Variants in WDPCP observed in about 807,000 individuals in gnomAD.
WDPCP encodes WD repeat-containing and planar cell polarity effector protein fritz homolog.
In WDPCP, 71 loss-of-function variants were observed where a neutral mutation model predicts 93.1. The ratio of observed to expected loss-of-function variants is 0.76; its 90% CI spans 0.63 to 0.93. WDPCP has a LOEUF of 0.93. Among genes scored for constraint, WDPCP ranks in the 40% least tolerant of loss-of-function variants. The pLI is 0.00. For missense variants in WDPCP, 844 were observed against 887.4 expected, an observed-to-expected ratio of 0.95 and a Z score of 0.62; for synonymous variants, 315 against 315.0, an observed-to-expected ratio of 1.00 and a Z score of 0.00.
chr2:63,777,026 A>G (rs1670314536), intron 2 of WDPCP, among the ~76,000 whole-genome samples: 2 of 152,196 alleles, frequency 1.3e-5, no homozygotes, highest in South Asian at 2.1e-4. Flanking sequence ...ACAGTTAACA[A>G]TATGGTATTG....
At chr2:63,419,570 TG>T (rs1418920928) in intron 9 of WDPCP, among the ~76,000 whole-genome samples, 1 of 152,150 alleles carries the variant, frequency 6.6e-6, no homozygotes, top group Non-Finnish European at 1.5e-5. Context: ...AAGCTACATT[TG>T]AAAAATGTAG....
intron 1 of WDPCP, chr2:63,827,504 ATAAT>A (rs1466199102): frequency 6.6e-6 from 1 of 152,190 alleles, no homozygotes; most frequent in East Asian, 1.9e-4. Flanking sequence ...GGATTCTATA[ATAAT>A]TTATTTAAGA....
chr2:63,825,917 A>G (rs1671106358), intron 1 of WDPCP, among the ~76,000 whole-genome samples: 1 of 152,134 alleles, frequency 6.6e-6, no homozygotes, highest in African/African-American at 2.4e-5. Context: ...TGATTTCCTT[A>G]TCTACATCTT....
At chr2:63,448,767 G>A (rs1171062727) in intron 6 of WDPCP, among the ~76,000 whole-genome samples, 1 of 152,124 alleles carries the variant, frequency 6.6e-6, no homozygotes. Flanking sequence ...GGCACAGAAA[G>A]ACAAATACTG....
intron 9 of WDPCP, among the ~76,000 whole-genome samples, chr2:63,411,750 C>A (rs773307542): frequency 2.6e-5 from 4 of 152,096 alleles, no homozygotes; most frequent in African/African-American, 4.8e-5. Context: ...ACTGTGAACA[C>A]CTTTACACAC....
intron 12 of WDPCP, among the ~76,000 whole-genome samples, chr2:63,318,910 T>G (rs1575130549): frequency 6.6e-6 from 1 of 152,040 alleles, no homozygotes; most frequent in Admixed American, 6.6e-5. Flanking sequence ...CCGGCTGATG[T>G]ACCCTTGACC....
chr2:63,805,030 AAAAAGAAAAG>A (rs1014255157), intron 2 of WDPCP, among the ~76,000 whole-genome samples: 1 of 152,118 alleles, frequency 6.6e-6, no homozygotes, highest in Non-Finnish European at 1.5e-5. Flanking sequence ...TCCATTTCAA[AAAAAGAAAAG>A]AAAAGAAAAG....
Position 63,152,899 on chromosome 2 carries a change from G to A in WDPCP, c.2190+15C>T. 3 of 1,609,152 alleles carry A rather than the reference G, an allele frequency of 1.9e-6. No individual in the cohort carries two copies. Among genetic ancestry groups the A allele is most frequent in the Non-Finnish European group, 2.6e-6 (3 of 1,175,896 alleles). On this transcript the variant is annotated intron_variant, in intron 17 of 17. Coordinates refer to ENST00000272321, the MANE Select transcript of WDPCP (RefSeq NM_015910.7). ...GAATTTAAATGTCTAGTAATAAACA[G>A]AGAAAGTGTTTTACCTGTTCTCTGC...
At chr2:63,360,753 A>G (rs891152699) in intron 12 of WDPCP, among the ~76,000 whole-genome samples, 1 of 152,206 alleles carries the variant, frequency 6.6e-6, no homozygotes, top group Admixed American at 6.5e-5. Flanking sequence ...CTCAAGCCCC[A>G]GTGGTCCAAA....
chr2:63,770,407 C>T (rs368039354), intron 2 of WDPCP, among the ~76,000 whole-genome samples: 2 of 151,558 alleles, frequency 1.3e-5, no homozygotes, highest in Non-Finnish European at 3.0e-5. Context: ...CCAAATTAAA[C>T]CTAAAGGAAG....
intron 17 of WDPCP, among the ~76,000 whole-genome samples, chr2:63,145,618 C>A (rs1671440460): frequency 6.6e-6 from 1 of 152,198 alleles, no homozygotes; most frequent in African/African-American, 2.4e-5. Flanking sequence ...CCCCCAACAA[C>A]AGTCCTGAGT....
chr2:63,741,906 C>A (rs1286367893), intron 2 of WDPCP, among the ~76,000 whole-genome samples: 1 of 152,046 alleles, frequency 6.6e-6, no homozygotes, highest in Non-Finnish European at 1.5e-5. Flanking sequence ...AAAATTGGAT[C>A]ATACAACAGC....
In WDPCP at chr2:63,534,920, T is replaced by C. The variant is rs368284821; in HGVS notation, c.76-41980A>G. Among the ~76,000 whole-genome samples, 151 of 152,218 alleles carry C rather than the reference T, an allele frequency of 9.9e-4. 1 individual carries two copies. The highest frequency in any genetic ancestry group is 2.7e-3 in the Admixed American group (41 of 15,296). ...CAATTAGGAAAAGAGGAAGTCAAATTGTTCCTGTTTGCAGATGACACGATT... is the reference window on the plus strand; with the variant it reads ...CAATTAGGAAAAGAGGAAGTCAAATCGTTCCTGTTTGCAGATGACACGATT... On this transcript the variant is annotated intron_variant, in intron 1 of 17. Coordinates refer to ENST00000272321, the MANE Select transcript of WDPCP (RefSeq NM_015910.7).
chr2:63,566,079 G>C (rs115361296), intron 1 of WDPCP, among the ~76,000 whole-genome samples: 1 of 152,008 alleles, frequency 6.6e-6, no homozygotes, highest in Non-Finnish European at 1.5e-5. Context: ...CAAATTCTCC[G>C]AGAATTCCCA....
intron 12 of WDPCP, among the ~76,000 whole-genome samples, chr2:63,327,880 T>A (rs986614120): frequency 2.0e-5 from 3 of 152,186 alleles, no homozygotes; most frequent in Admixed American, 6.5e-5. Flanking sequence ...TAACAACTTC[T>A]ACTGAGGACC....
At chr2:63,265,108 A>G (rs1681986350) in intron 13 of WDPCP, among the ~76,000 whole-genome samples, 1 of 152,216 alleles carries the variant, frequency 6.6e-6, no homozygotes, top group Admixed American at 6.5e-5. Flanking sequence ...GAATATCTCA[A>G]ATAAACAATC....
intron 14 of WDPCP, among the ~76,000 whole-genome samples, chr2:63,197,135 C>G (rs944617185): frequency 1.3e-5 from 2 of 152,150 alleles, no homozygotes; most frequent in South Asian, 2.1e-4. Flanking sequence ...CACCCCAAGA[C>G]AGCAATACCC....
intron 12 of WDPCP, among the ~76,000 whole-genome samples, chr2:63,320,135 A>T (rs1282482067): frequency 6.6e-6 from 1 of 152,158 alleles, no homozygotes; most frequent in Non-Finnish European, 1.5e-5. Flanking sequence ...TTAATAATTT[A>T]AAAAAACAAT....
In WDPCP at chr2:63,541,589, G is replaced by A. The variant is rs971824873; in HGVS notation, c.75+46608C>T. On this transcript the variant is annotated intron_variant, in intron 1 of 17. Coordinates refer to ENST00000272321, the MANE Select transcript of WDPCP (RefSeq NM_015910.7). Reference sequence around the variant, plus strand: ...TATAGCAAATGTTTCCATTTTGCCCGTTTGTTATTAAACCAGCAAATGCTG... The same window carrying A: ...TATAGCAAATGTTTCCATTTTGCCCATTTGTTATTAAACCAGCAAATGCTG... 5.9e-5 allele frequency among the ~76,000 whole-genome samples: 9 copies of A among 151,898 alleles called. No homozygotes were observed. The East Asian group carries it at 7.7e-4, about 13-fold the overall frequency.
Sources: allele counts gnomAD v4.1 joint callset (sites outside exome capture counted in the v4.1 genomes callset), GRCh38; gene constraint gnomAD v4.1.1; transcripts MANE v1.5; gene names NCBI Gene and HGNC (gene_info 2026-07-23, HGNC 2026-07-21).